Variants in GLI2 observed in about 807,000 individuals in gnomAD.
GLI2 encodes GLI family zinc finger 2, also known as transcription activator GLI2.
Under a neutral mutation model 78.9 loss-of-function variants are expected in GLI2, and 22 were observed. The observed-to-expected ratio is 0.28, with a 90% CI of 0.20 to 0.40. The LOEUF (loss-of-function observed/expected upper bound fraction) is 0.40, where lower values mean the gene tolerates loss of function less well. Ranked by LOEUF, GLI2 falls within the 10% of genes least tolerant of loss-of-function variation. The pLI, the probability that GLI2 is intolerant of heterozygous loss-of-function variation, is 1.00. For synonymous variants in GLI2, 974 were observed against 963.7 expected (o/e 1.01, Z -0.20); for missense variants, 2,097 against 2,213.2 (o/e 0.95, Z 1.05).
chr2:120,972,333 A>G (rs1291669650), intron 8 of GLI2, among the ~76,000 whole-genome samples: 1 of 152,224 alleles, frequency 6.6e-6, no homozygotes, highest in African/African-American at 2.4e-5. Flanking sequence ...CTCTTGTCTC[A>G]GGCTGCATCT....
chr2:120,983,947 GTGTGTGTGT>G (rs1682840034), intron 11 of GLI2, among the ~76,000 whole-genome samples: 5 of 23,974 alleles, frequency 2.1e-4, no homozygotes, highest in Admixed American at 1.7e-3. Flanking sequence ...GGTGTGTGGG[GTGTGTGTGT>G]GTGTGTGTGT....
At chr2:120,802,231 C>T (rs1684741446) in intron 2 of GLI2, among the ~76,000 whole-genome samples, 1 of 152,214 alleles carries the variant, frequency 6.6e-6, no homozygotes, top group Non-Finnish European at 1.5e-5. Context: ...CACTATTTCC[C>T]TGTGCCAGAA....
intron 3 of GLI2, among the ~76,000 whole-genome samples, chr2:120,950,577 G>T (rs1017556739): frequency 6.6e-6 from 1 of 152,182 alleles, no homozygotes; most frequent in Non-Finnish European, 1.5e-5. Context: ...TGACTATTGG[G>T]GCATCTGAGA....
chr2:120,847,302 A>G (rs1026702020), intron 2 of GLI2, among the ~76,000 whole-genome samples: 1 of 151,964 alleles, frequency 6.6e-6, no homozygotes, highest in African/African-American at 2.4e-5. Context: ...AATGAATATA[A>G]TCCAGCCCAG....
At chr2:120,804,006 C>G (rs1456030372) in intron 2 of GLI2, among the ~76,000 whole-genome samples, 1 of 152,094 alleles carries the variant, frequency 6.6e-6, no homozygotes, top group African/African-American at 2.4e-5. Context: ...TTCCAGGAGG[C>G]GTGTGTGCTA....
At chr2:120,921,868 C>T (rs754278464) in intron 2 of GLI2, among the ~76,000 whole-genome samples, 1 of 152,178 alleles carries the variant, frequency 6.6e-6, no homozygotes, top group Non-Finnish European at 1.5e-5. Flanking sequence ...CTGTGCCTGG[C>T]AAGTTAGCCT....
intron 1 of GLI2, among the ~76,000 whole-genome samples, chr2:120,772,924 C>T (rs190178978): frequency 7.2e-5 from 11 of 152,330 alleles, no homozygotes; most frequent in African/African-American, 2.6e-4. Flanking sequence ...GGTCTCCTTC[C>T]TCTGAGGAGC....
At chr2:120,863,283 G>A (rs927439270) in intron 2 of GLI2, among the ~76,000 whole-genome samples, 4 of 152,220 alleles carry the variant, frequency 2.6e-5, no homozygotes, top group Admixed American at 2.0e-4. Context: ...CAGGACCCTT[G>A]CATGCCTTGG....
intron 2 of GLI2, among the ~76,000 whole-genome samples, chr2:120,870,356 C>A (rs1318238695): frequency 1.3e-5 from 2 of 152,200 alleles, no homozygotes; most frequent in African/African-American, 4.8e-5. Context: ...AGATTACTTG[C>A]ATCATCAGTT....
intron 2 of GLI2, among the ~76,000 whole-genome samples, chr2:120,912,238 A>G (rs1412229332): frequency 6.7e-6 from 1 of 149,638 alleles, no homozygotes; most frequent in African/African-American, 2.5e-5. Context: ...CTTTTAATTC[A>G]CATGCTTAGC....
chr2:120,798,522 C>T (rs1430651000), intron 2 of GLI2, among the ~76,000 whole-genome samples: 2 of 152,142 alleles, frequency 1.3e-5, no homozygotes, highest in Non-Finnish European at 2.9e-5. Flanking sequence ...ACTGTATTTA[C>T]TTTTATTTTT....
chr2:120,971,846 C>A, intron 7 of GLI2, 95 bp from the exon 8 acceptor site: 1 of 1,041,714 alleles, frequency 9.6e-7, no homozygotes, highest in Non-Finnish European at 1.5e-6. Flanking sequence ...CCCAGATGGT[C>A]TGTGCGGAGA....
At chr2:120,907,973 A>G (rs1394582630) in intron 2 of GLI2, among the ~76,000 whole-genome samples, 2 of 152,150 alleles carry the variant, frequency 1.3e-5, no homozygotes, top group African/African-American at 4.8e-5. Flanking sequence ...GGGGGAGCCA[A>G]TTGATCCTTT....
At chr2:120,849,322 T>C (rs1246558024) in intron 2 of GLI2, among the ~76,000 whole-genome samples, 3 of 152,222 alleles carry the variant, frequency 2.0e-5, no homozygotes, top group Admixed American at 6.5e-5. Flanking sequence ...GTAAGTCTTA[T>C]GTTATATATA....
chr2:120,862,605 G>A (rs1687952870), intron 2 of GLI2, among the ~76,000 whole-genome samples: 1 of 152,230 alleles, frequency 6.6e-6, no homozygotes, highest in African/African-American at 2.4e-5. Flanking sequence ...TTTGTGTGTA[G>A]GTGGGCCGGT....
At chr2:120,848,265 C>T (rs1193104930) in intron 2 of GLI2, among the ~76,000 whole-genome samples, 1 of 152,192 alleles carries the variant, frequency 6.6e-6, no homozygotes, top group African/African-American at 2.4e-5. Context: ...AGCCTCCTGC[C>T]CTGGCCCGTG....
chr2:120,845,408 T>C (rs1687068978), intron 2 of GLI2, among the ~76,000 whole-genome samples: 1 of 152,226 alleles, frequency 6.6e-6, no homozygotes, highest in Non-Finnish European at 1.5e-5. Flanking sequence ...ACATCCCCAC[T>C]TGGCTTCAAG....
chr2:120,807,614 T>C (rs955932281), intron 2 of GLI2, among the ~76,000 whole-genome samples: 1 of 152,168 alleles, frequency 6.6e-6, no homozygotes, highest in African/African-American at 2.4e-5. Flanking sequence ...GCAAAGGTCC[T>C]GGGGTCTGAG....
chr2:120,773,249 C>T (rs1683573080), intron 1 of GLI2, among the ~76,000 whole-genome samples: 1 of 152,058 alleles, frequency 6.6e-6, no homozygotes, highest in Non-Finnish European at 1.5e-5. Context: ...GGAGAAAGAG[C>T]CAGTCTTAGA....
Sources: gnomAD v4.1 joint callset for allele counts (sites outside exome capture counted in the v4.1 genomes callset) on GRCh38, gnomAD v4.1.1 for gene constraint, MANE v1.5 for transcripts, NCBI Gene and HGNC (gene_info 2026-07-23, HGNC 2026-07-21) for gene names.